STAT1: variants seen among roughly 807,000 people sequenced by gnomAD.
STAT1 encodes the protein signal transducer and activator of transcription 1-alpha/beta.
Under a neutral mutation model 111.7 loss-of-function variants are expected in STAT1, and 24 were observed. That is an observed-to-expected ratio of 0.21 (90% CI 0.16 to 0.30). STAT1 has a LOEUF of 0.30. STAT1 is among the 10% of genes least tolerant of loss of function. The pLI, the probability that STAT1 is intolerant of heterozygous loss-of-function variation, is 1.00. For missense variants in STAT1, 351 were observed against 911.9 expected (o/e 0.38, Z 7.92); for synonymous variants, 332 against 326.5 (o/e 1.02, Z -0.18).
chr2:191,006,957 G>A lies in STAT1; in HGVS notation c.372+606C>T, dbSNP rs1182017542. Among the ~76,000 whole-genome samples the A allele has an allele frequency of 1.3e-5, 2 of 151,962 alleles. No individual in the cohort carries two copies. Among genetic ancestry groups the A allele is most frequent in the Admixed American group, 6.6e-5 (1 of 15,262 alleles). On this transcript the variant is annotated intron_variant, in intron 5 of 24. Coordinates refer to ENST00000361099, the MANE Select transcript of STAT1 (RefSeq NM_007315.4). This position sits in a 1 kb window ranked among gnomAD's most constrained non-coding sequence, Gnocchi z 4.6. The stretch of plus-strand genomic sequence containing the variant: ...TGAGTCCTACAAAACTCCTGCCCCT[G>A]CCCCCTCCTTGCCTTCCCAGCTCCG...
Position 191,007,450 on chromosome 2 carries a change from C to T in STAT1, c.372+113G>A, listed in dbSNP as rs16833164. 5.7e-3 allele frequency: 4,462 copies of T among 787,352 alleles called. 137 individuals carry two copies. In the African/African-American group the frequency reaches 0.07, roughly 12 times the overall value. The allele number at this position is 787,352 out of a possible 1,614,324, so 48.8% of individuals were successfully genotyped here. On this transcript the variant is annotated intron_variant, in intron 5 of 24. Transcript: ENST00000361099. The surrounding 1 kb of genome is among the most constrained non-coding windows in gnomAD (Gnocchi z 4.2). ...AATCTGATTCTCCCACTTCTTGGGG[C>T]TATAAAATTAGAGAGATATTCATCA...
rs1490367321 is a variant in STAT1, at chr2:190,990,879, A to C, written c.1037+349T>G. 6.6e-6 allele frequency among the ~76,000 whole-genome samples: 1 copy of C among 152,226 alleles called. No individual in the cohort carries two copies. The highest frequency in any genetic ancestry group is 2.4e-5 in the African/African-American group (1 of 41,460). On this transcript the variant is annotated intron_variant, in intron 11 of 24. Transcript: ENST00000361099. This position sits in a 1 kb window ranked among gnomAD's most constrained non-coding sequence, Gnocchi z 5.1. ...CACATTCATACAGCTTCTGGGGTTC[A>C]TAAGGCTCAGGTTATGAGCCTATGC...
At chr2:190,992,159 A>G (rs1377189215) in intron 10 of STAT1, among the ~76,000 whole-genome samples, 1 of 152,220 alleles carries the variant, frequency 6.6e-6, no homozygotes, top group Non-Finnish European at 1.5e-5. Context: ...TATTAATCAG[A>G]CAGTGTAATC....
intron 10 of STAT1, among the ~76,000 whole-genome samples, 162 bp from the exon 11 acceptor site, chr2:190,991,482 A>G (rs565852279): frequency 6.2e-4 from 94 of 152,346 alleles, no homozygotes; most frequent in African/African-American, 2.2e-3. Context: ...TTTTCTAATT[A>G]GTAAAGAAAT....
At chr2:190,972,816 G>GGTGGGTGT (rs1553491654) in intron 24 of STAT1, among the ~76,000 whole-genome samples, 3 of 136,354 alleles carry the variant, frequency 2.2e-5, no homozygotes, top group African/African-American at 8.2e-5. Context: ...GTGTATAGAG[G>GGTGGGTGT]GTGTGTGTGT....
At position 190,989,874 on chromosome 2, in the gene STAT1, C is replaced by T. The variant is rs750661340; in HGVS notation, c.1038-200G>A. ...AAGAATAAATTCCTAGCTGTGGAAC[C>T]GCTTAGGAAAAATTGTAACACTAAT... On this transcript the variant is annotated intron_variant, in intron 11 of 24. Coordinates refer to ENST00000361099, the MANE Select transcript of STAT1 (RefSeq NM_007315.4). This position sits in a 1 kb window ranked among gnomAD's most constrained non-coding sequence, Gnocchi z 5.0. Among the ~76,000 whole-genome samples the T allele has an allele frequency of 2.0e-5, 3 of 152,124 alleles. No homozygotes were observed. Among genetic ancestry groups the T allele is most frequent in the Admixed American group, 1.3e-4 (2 of 15,268 alleles).
At chr2:191,005,626 C>T (rs114227930) in intron 5 of STAT1, among the ~76,000 whole-genome samples, 108 of 152,280 alleles carry the variant, frequency 7.1e-4, no homozygotes, top group Non-Finnish European at 1.3e-3. Flanking sequence ...TGTGTAAGTG[C>T]ACTCTATAAT....
rs1265788704 is a variant in STAT1, at chr2:190,999,367, C to T, written c.541+259G>A. Among the ~76,000 whole-genome samples the T allele has an allele frequency of 6.6e-6, 1 of 152,070 alleles. No individual in the cohort carries two copies. Among genetic ancestry groups the T allele is most frequent in the Non-Finnish European group, 1.5e-5 (1 of 68,028 alleles). Reference sequence around the variant, plus strand: ...GTTTTGGTTGTCACTAGTGAGGGCTCCTGGGTAGTGCTACTGGCATCTGGT... The same window carrying T: ...GTTTTGGTTGTCACTAGTGAGGGCTTCTGGGTAGTGCTACTGGCATCTGGT... On this transcript the variant is annotated intron_variant, in intron 7 of 24. Coordinates refer to ENST00000361099, the MANE Select transcript of STAT1 (RefSeq NM_007315.4). This position sits in a 1 kb window ranked among gnomAD's most constrained non-coding sequence, Gnocchi z 4.1.
rs746284636 is a variant in STAT1 at position 190,987,725 on chromosome 2, G to A, written c.1098-657C>T. Among the ~76,000 whole-genome samples the A allele has an allele frequency of 1.3e-5, 2 of 152,110 alleles. No homozygotes were observed. Among genetic ancestry groups the A allele is most frequent in the African/African-American group, 2.4e-5 (1 of 41,402 alleles). ...CATGTTCTGGCCAAATAATGTATCC[G>A]TGAGCGTCCTAGATGTAGACTAGAA... On this transcript the variant is annotated intron_variant, in intron 12 of 24. Coordinates refer to ENST00000361099, the MANE Select transcript of STAT1 (RefSeq NM_007315.4). This position sits in a 1 kb window ranked among gnomAD's most constrained non-coding sequence, Gnocchi z 4.0.
At chr2:191,011,364 C>G (rs747090308) in intron 2 of STAT1, among the ~76,000 whole-genome samples, 1 of 152,166 alleles carries the variant, frequency 6.6e-6, no homozygotes. Flanking sequence ...GGAGCTGCAA[C>G]GCCTCTTATT....
At position 190,975,243 on chromosome 2, in the gene STAT1, A is replaced by G. The variant is rs1241605544; in HGVS notation, c.2136-311T>C. Reference sequence around the variant, plus strand: ...GTGCGGTGCACTACCCTGAGATGACAATGCCTCGTGGCTTACCCTGGACAG... The same window carrying G: ...GTGCGGTGCACTACCCTGAGATGACGATGCCTCGTGGCTTACCCTGGACAG... On this transcript the variant is annotated intron_variant, in intron 23 of 24. Coordinates refer to ENST00000361099, the MANE Select transcript of STAT1 (RefSeq NM_007315.4). The surrounding 1 kb of genome is among the most constrained non-coding windows in gnomAD (Gnocchi z 5.9). The G allele has an allele frequency of 1.3e-5, 6 of 458,886 alleles. No homozygotes were observed. The highest frequency in any genetic ancestry group is 1.0e-4 in the African/African-American group (5 of 49,482). 28.4% of individuals were successfully genotyped at this position (458,886 alleles called of 1,614,324 possible). A position where few individuals can be genotyped will look rare whatever the true frequency, so the allele number is the denominator to read the frequency against.
chr2:190,980,592 G>C lies in STAT1; in HGVS notation c.1632+28C>G. ...CTCAACCAAGAGCAAAAAGGACTTA[G>C]AGAGCATAAAACCCAGACAGTCCTC... On this transcript the variant is annotated intron_variant, in intron 19 of 24. Transcript: ENST00000361099. The surrounding 1 kb of genome is among the most constrained non-coding windows in gnomAD (Gnocchi z 6.1). 1 of 1,612,628 alleles carries C rather than the reference G, an allele frequency of 6.2e-7. No homozygotes were observed. The highest frequency in any genetic ancestry group is 2.2e-5 in the East Asian group (1 of 44,872).
intron 2 of STAT1, chr2:191,010,573 AAG>A (rs1009896879): frequency 1.0e-4 from 22 of 215,448 alleles, no homozygotes; most frequent in African/African-American, 4.0e-4. Flanking sequence ...GACAAATCAC[AAG>A]ACTCTCCCAA....
At position 190,977,159 on chromosome 2, in the gene STAT1, T is replaced by C. The variant is rs369902154; in HGVS notation, c.1874-134A>G. The C allele has an allele frequency of 6.3e-5, 51 of 803,618 alleles. No individual in the cohort carries two copies. Among genetic ancestry groups the C allele is most frequent in the South Asian group, 5.6e-4 (38 of 68,164 alleles). The allele number at this position is 803,618 out of a possible 1,614,324, so 49.8% of individuals were successfully genotyped here. A position where few individuals can be genotyped will look rare whatever the true frequency, so the allele number is the denominator to read the frequency against. On this transcript the variant is annotated intron_variant, in intron 21 of 24. Transcript: ENST00000361099. This position sits in a 1 kb window ranked among gnomAD's most constrained non-coding sequence, Gnocchi z 4.7. ...TAATCACAATCTAAGCATTATAACA[T>C]ATACAGTAGACTGCTTTATTTCTAA...
Position 190,981,173 on chromosome 2 carries a change from C to T in STAT1, c.1583-504G>A, listed in dbSNP as rs1692360968. Among the ~76,000 whole-genome samples, 1 of 152,182 alleles carries T rather than the reference C, an allele frequency of 6.6e-6. No homozygotes were observed. The highest frequency in any genetic ancestry group is 1.5e-5 in the Non-Finnish European group (1 of 68,020). On this transcript the variant is annotated intron_variant, in intron 18 of 24. Coordinates refer to ENST00000361099, the MANE Select transcript of STAT1 (RefSeq NM_007315.4). This position sits in a 1 kb window ranked among gnomAD's most constrained non-coding sequence, Gnocchi z 4.1. ...AGCCTCCCTATCCAGTGCCTCTTCC[C>T]ACTGCCTTCCTCTGCTGCTCAGCAG...
At position 191,006,996 on chromosome 2, in the gene STAT1, C is replaced by T. The variant is rs1198180719; in HGVS notation, c.372+567G>A. On this transcript the variant is annotated intron_variant, in intron 5 of 24. Coordinates refer to ENST00000361099, the MANE Select transcript of STAT1 (RefSeq NM_007315.4). The surrounding 1 kb of genome is among the most constrained non-coding windows in gnomAD (Gnocchi z 4.6). The stretch of plus-strand genomic sequence containing the variant: ...TTCCCAGCTCCGTGTACAGCATTAC[C>T]ATTTTTCAAGGGGTTCTAGTAGCTG... Among the ~76,000 whole-genome samples the T allele has an allele frequency of 6.6e-6, 1 of 152,156 alleles. No individual in the cohort carries two copies. Among genetic ancestry groups the T allele is most frequent in the Non-Finnish European group, 1.5e-5 (1 of 68,016 alleles).
chr2:190,981,469 C>T lies in STAT1; in HGVS notation c.1583-800G>A, dbSNP rs1692387757. On this transcript the variant is annotated intron_variant, in intron 18 of 24. Transcript: ENST00000361099. This position sits in a 1 kb window ranked among gnomAD's most constrained non-coding sequence, Gnocchi z 4.1. ...GCCTGGGCGAGAAGAGGCGGTAAGCCCATTATCGGTCTTCAAAGAGAACTA... is the reference window on the plus strand; with the variant it reads ...GCCTGGGCGAGAAGAGGCGGTAAGCTCATTATCGGTCTTCAAAGAGAACTA... Among the ~76,000 whole-genome samples, 1 of 152,168 alleles carries T rather than the reference C, an allele frequency of 6.6e-6. No individual in the cohort carries two copies. Among genetic ancestry groups the T allele is most frequent in the Non-Finnish European group, 1.5e-5 (1 of 68,030 alleles).
Position 190,999,790 on chromosome 2 carries a change from A to T in STAT1, c.463-86T>A. The T allele has an allele frequency of 1.1e-6, 1 of 918,492 alleles. No individual in the cohort carries two copies. The allele number at this position is 918,492 out of a possible 1,614,324, so 56.9% of individuals were successfully genotyped here. A position where few individuals can be genotyped will look rare whatever the true frequency, so the allele number is the denominator to read the frequency against. On this transcript the variant is annotated intron_variant, in intron 6 of 24. Transcript: ENST00000361099. The surrounding 1 kb of genome is among the most constrained non-coding windows in gnomAD (Gnocchi z 4.1). ...ACAGAGTATTGCTTCTATGGAACCC[A>T]GAGAAACACGAAAACAATTCCATCT...
chr2:191,013,761 T>C (rs41430444), intron 1 of STAT1, 83 bp from the exon 2 acceptor site: 51,524 of 398,344 alleles, frequency 0.13, 3,973 homozygotes, highest in Admixed American at 0.23. Flanking sequence ...CAGTGCCTTC[T>C]AGAGGAAAAT....
Sources: gnomAD v4.1 joint callset for allele counts (sites outside exome capture counted in the v4.1 genomes callset) on GRCh38, gnomAD v4.1.1 for gene constraint, Gnocchi (gnomAD v3.1) non-coding constraint, MANE v1.5 for transcripts, NCBI Gene and HGNC (gene_info 2026-07-23, HGNC 2026-07-21) for gene names.